Variants in KIAA1549 observed in about 807,000 individuals in gnomAD.
The protein encoded by KIAA1549 is UPF0606 protein KIAA1549.
KIAA1549 carries 70 observed loss-of-function variants against 156.4 expected under a neutral mutation model. That is an observed-to-expected ratio of 0.45 (90% CI 0.37 to 0.55). KIAA1549 has a LOEUF of 0.55. KIAA1549 is among the 20% of genes least tolerant of loss of function. The pLI, the probability that KIAA1549 is intolerant of heterozygous loss-of-function variation, is 0.00. For synonymous variants in KIAA1549, 1,103 were observed against 1,066.4 expected (o/e 1.03, Z -0.67); for missense variants, 2,428 against 2,540.9 (o/e 0.96, Z 0.96).
intron 1 of KIAA1549, among the ~76,000 whole-genome samples, chr7:138,957,252 GA>G (rs200890561): frequency 0.016 from 2,412 of 152,194 alleles, 65 homozygotes; most frequent in African/African-American, 0.055. Flanking sequence ...TGCAAATCAA[GA>G]AAAACAAGGA....
intron 1 of KIAA1549, among the ~76,000 whole-genome samples, chr7:138,956,850 C>G (rs901783238): frequency 3.9e-5 from 6 of 152,146 alleles, no homozygotes; most frequent in Non-Finnish European, 8.8e-5. Context: ...TCCTACACAC[C>G]CACCCACTTA....
In KIAA1549 at chr7:138,836,389, A is replaced by T. The variant is rs1480614682; in HGVS notation, c.*1517T>A. ...ACAGCCCAGGTGTGTAGTAGGCTAT[A>T]CCATGTAGGTTGTGTAAGTACAATC... On this transcript the variant is annotated 3_prime_UTR_variant, in exon 20 of 20. Transcript: ENST00000422774. 1 of 214,650 alleles carries T rather than the reference A, an allele frequency of 4.7e-6. No individual in the cohort carries two copies. Among genetic ancestry groups the T allele is most frequent in the East Asian group, 6.9e-5 (1 of 14,488 alleles). The allele number at this position is 214,650 out of a possible 1,614,324, so 13.3% of individuals were successfully genotyped here. A position where few individuals can be genotyped will look rare whatever the true frequency, so the allele number is the denominator to read the frequency against.
At position 138,869,742 on chromosome 7, in the gene KIAA1549, T is replaced by A; in HGVS notation, c.4571A>T (p.His1524Leu). The change falls in exon 14 of 20, where the codon CAC (histidine) becomes CTC (leucine). Residue 1524 changes from histidine (H) to leucine (L), a missense_variant. Coordinates refer to ENST00000422774, the MANE Select transcript of KIAA1549 (RefSeq NM_001164665.2). ...INKEIQTALR[H>L]KSEIEHHRNK... ...GCGATGGTGCTCGATCTCAGACTTG[T>A]GCCGCAGCGCGGTCTGAATCTGAGG... 6.2e-7 allele frequency: 1 copy of A among 1,610,848 alleles called. No homozygotes were observed. Among genetic ancestry groups the A allele is most frequent in the Non-Finnish European group, 8.5e-7 (1 of 1,179,644 alleles).
chr7:138,877,248 C>T (rs1811112510), intron 12 of KIAA1549, among the ~76,000 whole-genome samples: 1 of 152,192 alleles, frequency 6.6e-6, no homozygotes, highest in Non-Finnish European at 1.5e-5. Context: ...AATCCCAGCA[C>T]TTTGGGAGGC....
intron 12 of KIAA1549, among the ~76,000 whole-genome samples, chr7:138,874,509 T>TC (rs1811026041): frequency 6.6e-6 from 1 of 152,112 alleles, no homozygotes; most frequent in South Asian, 2.1e-4. Flanking sequence ...AAGAAGGAAA[T>TC]CCTGCCATTT....
At position 138,981,310 on chromosome 7, in the gene KIAA1549, T is replaced by G; in HGVS notation, c.-41A>C. On this transcript the variant is annotated 5_prime_UTR_variant, in exon 1 of 20. Coordinates refer to ENST00000422774, the MANE Select transcript of KIAA1549 (RefSeq NM_001164665.2). This position sits in a 1 kb window ranked among gnomAD's most constrained non-coding sequence, Gnocchi z 4.5. Reference sequence around the variant, plus strand: ...CGGCCCGGCCTCGCGGCTCAGCGGCTCTCGGGTCCGGGAGGGGCGGCCGCT... The same window carrying G: ...CGGCCCGGCCTCGCGGCTCAGCGGCGCTCGGGTCCGGGAGGGGCGGCCGCT... The G allele has an allele frequency of 3.4e-6, 3 of 883,792 alleles. No individual in the cohort carries two copies. The highest frequency in any genetic ancestry group is 4.1e-6 in the Non-Finnish European group (3 of 740,706). The allele number at this position is 883,792 out of a possible 1,614,324, so 54.7% of individuals were successfully genotyped here.
intron 16 of KIAA1549, among the ~76,000 whole-genome samples, chr7:138,856,917 T>C (rs1810410550): frequency 6.6e-6 from 1 of 152,178 alleles, no homozygotes; most frequent in Non-Finnish European, 1.5e-5. Flanking sequence ...TGGGCAGGCA[T>C]CTTCCAATCT....
rs148657552 is a variant in KIAA1549, at chr7:138,837,120, C to A, written c.*786G>T. On this transcript the variant is annotated 3_prime_UTR_variant, in exon 20 of 20. Transcript: ENST00000422774. ...ATACAATGAAGAATGTAGATCTAAA[C>A]TTTGATCTGTATTTTGGATAATCAA... 7.3e-4 allele frequency: 167 copies of A among 227,322 alleles called. No individual in the cohort carries two copies. Among genetic ancestry groups the A allele is most frequent in the African/African-American group, 3.2e-3 (142 of 45,074 alleles). The allele number at this position is 227,322 out of a possible 1,614,324, so 14.1% of individuals were successfully genotyped here.
At chr7:138,850,259 T>C (rs182954986) in intron 17 of KIAA1549, among the ~76,000 whole-genome samples, 54 of 152,308 alleles carry the variant, frequency 3.5e-4, no homozygotes, top group African/African-American at 1.2e-3. Flanking sequence ...TCTGTTTTTA[T>C]GTCTTTGAGG....
intron 9 of KIAA1549, among the ~76,000 whole-genome samples, chr7:138,897,141 T>C (rs1038036522): frequency 3.3e-5 from 5 of 152,206 alleles, no homozygotes; most frequent in Non-Finnish European, 1.5e-5. Flanking sequence ...CTGTTTAAAA[T>C]GTCAAGTGCT....
rs1414629765 is a variant in KIAA1549 at position 138,881,371 on chromosome 7, G to A, written c.4229+17C>T. 1.0e-5 allele frequency: 16 copies of A among 1,606,762 alleles called. No individual in the cohort carries two copies. The highest frequency in any genetic ancestry group is 1.4e-5 in the Non-Finnish European group (16 of 1,176,668). On this transcript the variant is annotated intron_variant, in intron 11 of 19. Coordinates refer to ENST00000422774, the MANE Select transcript of KIAA1549 (RefSeq NM_001164665.2). ...ATGCTCTGCAACAAAGAATAATACAGAAAGCCCAATAATAACCTTCCTCTG... is the reference window on the plus strand; with the variant it reads ...ATGCTCTGCAACAAAGAATAATACAAAAAGCCCAATAATAACCTTCCTCTG...
At chr7:138,876,376 C>G (rs533590302) in intron 12 of KIAA1549, 6 of 152,292 alleles carry the variant, frequency 3.9e-5, no homozygotes, top group Admixed American at 2.0e-4. Context: ...TGGAATGCTT[C>G]CCCAATATGC....
chr7:138,958,134 G>A (rs950381889), intron 1 of KIAA1549, among the ~76,000 whole-genome samples: 4 of 152,126 alleles, frequency 2.6e-5, no homozygotes, highest in Non-Finnish European at 2.9e-5. Flanking sequence ...ATGATTATGC[G>A]TGTGCCTGTG....
chr7:138,960,844 C>T (rs1414055023), intron 1 of KIAA1549, among the ~76,000 whole-genome samples: 1 of 152,102 alleles, frequency 6.6e-6, no homozygotes, highest in Admixed American at 6.5e-5. Context: ...TCCGGATTTT[C>T]CAAAGAGATC....
intron 1 of KIAA1549, among the ~76,000 whole-genome samples, chr7:138,937,979 A>G (rs1813067104): frequency 6.6e-6 from 1 of 152,182 alleles, no homozygotes; most frequent in African/African-American, 2.4e-5. Context: ...TTTAGGAATC[A>G]TACTGCTATA....
intron 10 of KIAA1549, among the ~76,000 whole-genome samples, chr7:138,885,289 A>G (rs1312722294): frequency 3.3e-5 from 5 of 152,176 alleles, no homozygotes; most frequent in African/African-American, 1.2e-4. Flanking sequence ...AACAATGCGG[A>G]AGGGGTCCCA....
chr7:138,863,561 T>A (rs1048396764), intron 15 of KIAA1549, among the ~76,000 whole-genome samples: 3 of 152,080 alleles, frequency 2.0e-5, no homozygotes, highest in South Asian at 2.1e-4. Flanking sequence ...GCCTACACAC[T>A]CTTTTAATTG....
chr7:138,921,684 G>C (rs1207384582), intron 1 of KIAA1549, among the ~76,000 whole-genome samples: 2 of 152,058 alleles, frequency 1.3e-5, no homozygotes, highest in African/African-American at 4.8e-5. Flanking sequence ...GGCCAACGTG[G>C]CAAAACCCCA....
At chr7:138,873,904 G>A (rs568087687) in intron 12 of KIAA1549, among the ~76,000 whole-genome samples, 3 of 150,186 alleles carry the variant, frequency 2.0e-5, no homozygotes, top group African/African-American at 7.3e-5. Flanking sequence ...CTGAAAAGAG[G>A]GGCTTTAAAT....
Sources: allele counts gnomAD v4.1 joint callset (sites outside exome capture counted in the v4.1 genomes callset), GRCh38; gene constraint gnomAD v4.1.1; non-coding constraint Gnocchi (gnomAD v3.1); transcripts MANE v1.5; gene names NCBI Gene and HGNC (gene_info 2026-07-23, HGNC 2026-07-21).